EYS: variants seen among roughly 807,000 people sequenced by gnomAD.
EYS encodes EGF-like photoreceptor maintenance factor.
A neutral mutation model predicts 282.1 loss-of-function variants in EYS; 250 were observed. That is an observed-to-expected ratio of 0.89 (90% CI 0.80 to 0.98). The LOEUF (loss-of-function observed/expected upper bound fraction) is 0.98, where lower values mean the gene tolerates loss of function less well. Among genes scored for constraint, EYS ranks in the 50% least tolerant of loss-of-function variants. The pLI is 0.00. For synonymous variants in EYS, 1,355 were observed against 1,282.9 expected (o/e 1.06, Z -1.20); for missense variants, 4,016 against 3,709.0 (o/e 1.08, Z -2.15).
intron 35 of EYS, among the ~76,000 whole-genome samples, chr6:63,904,133 C>A (rs140433970): frequency 6.6e-6 from 1 of 152,078 alleles, no homozygotes; most frequent in African/African-American, 2.4e-5. Flanking sequence ...AGTGGGCCTG[C>A]GAGGCTCAGC....
chr6:65,327,262 C>T (rs1341812789), intron 11 of EYS, among the ~76,000 whole-genome samples: 2 of 151,552 alleles, frequency 1.3e-5, no homozygotes, highest in Admixed American at 1.3e-4. Flanking sequence ...TGTTTTTGAT[C>T]CTTCTAAGTC....
chr6:64,811,615 G>T lies in EYS; in HGVS notation c.3443+1763C>A, dbSNP rs143425375. 2.2e-3 allele frequency among the ~76,000 whole-genome samples: 341 copies of T among 152,172 alleles called. 6 individuals are homozygous for T. Among genetic ancestry groups the T allele is most frequent in the African/African-American group, 7.7e-3 (319 of 41,544 alleles). On this transcript the variant is annotated intron_variant, in intron 22 of 42. Coordinates refer to ENST00000503581, the MANE Select transcript of EYS (RefSeq NM_001142800.2). ...TAGATTAAAGTCTTTCTCATGAGAC[G>T]GGATTTGTTCTCTCGAGAAAAGATT...
chr6:64,649,587 C>T (rs1237988821), intron 22 of EYS, among the ~76,000 whole-genome samples: 2 of 152,144 alleles, frequency 1.3e-5, no homozygotes, highest in African/African-American at 4.8e-5. Context: ...TTCTGCCTGC[C>T]TCAGCCTCCC....
At chr6:65,442,062 C>T (rs552565947) in intron 5 of EYS, among the ~76,000 whole-genome samples, 3 of 152,016 alleles carry the variant, frequency 2.0e-5, no homozygotes, top group Non-Finnish European at 2.9e-5. Context: ...TCATACACCC[C>T]GTTAGAATTT....
intron 36 of EYS, among the ~76,000 whole-genome samples, chr6:63,809,106 A>G (rs953567052): frequency 3.3e-5 from 5 of 152,272 alleles, no homozygotes; most frequent in African/African-American, 7.2e-5. Context: ...TGAACCTATA[A>G]AAAGGTAGGG....
intron 24 of EYS, among the ~76,000 whole-genome samples, chr6:64,605,885 A>G (rs1766916279): frequency 6.6e-6 from 1 of 151,952 alleles, no homozygotes; most frequent in African/African-American, 2.4e-5. Flanking sequence ...TTACCACCAA[A>G]TATCTATAAC....
chr6:64,032,005 C>T (rs949001908), intron 33 of EYS, among the ~76,000 whole-genome samples: 1 of 152,084 alleles, frequency 6.6e-6, no homozygotes. Context: ...TCTTTGGGTC[C>T]ACACTGCCTT....
Position 64,593,132 on chromosome 6 carries a change from A to T in EYS, c.3862T>A (p.Tyr1288Asn), listed in dbSNP as rs1194312039. ...TTCTACTTACCTTGATCAACTGGGT[A>T]AGTGTCCATTATGGCTGGTATTCTA... ...ATRIPAIMDT[Y>N]PVDQGPKQTG... The change falls in exon 25 of 43, where the codon TAC becomes AAC. Residue 1288 changes from tyrosine (Y) to asparagine (N), a missense_variant. Physicochemically the swap from Tyr to Asn is moderately radical, Grantham distance 143 (BLOSUM62 -2). Transcript: ENST00000503581. 6 of 1,532,408 alleles carry T rather than the reference A, an allele frequency of 3.9e-6. No individual in the cohort carries two copies. The highest frequency in any genetic ancestry group is 5.3e-6 in the Non-Finnish European group (6 of 1,139,590). 94.9% of individuals were successfully genotyped at this position (1,532,408 alleles called of 1,614,324 possible).
At position 65,095,133 on chromosome 6, in the gene EYS, C is replaced by G. The variant is rs556109571; in HGVS notation, c.2024-37406G>C. Among the ~76,000 whole-genome samples the G allele has an allele frequency of 9.9e-5, 15 of 151,050 alleles. No homozygotes were observed. The East Asian group carries it at 2.9e-3, about 29-fold the overall frequency. ...AAACATACAACCTACTAAGACTTAT[C>G]GTGAAAAAAGAGATAGCCTGATTAG... is the stretch of plus-strand genomic sequence containing the variant. On this transcript the variant is annotated intron_variant, in intron 12 of 42. Coordinates refer to ENST00000503581, the MANE Select transcript of EYS (RefSeq NM_001142800.2).
intron 8 of EYS, among the ~76,000 whole-genome samples, chr6:65,361,746 G>T (rs1037673614): frequency 4.6e-5 from 7 of 152,208 alleles, no homozygotes; most frequent in Admixed American, 3.9e-4. Context: ...CTCCCAACAT[G>T]CTGGGATTAC....
chr6:63,776,884 A>G (rs1045570308), intron 40 of EYS, among the ~76,000 whole-genome samples: 1 of 152,224 alleles, frequency 6.6e-6, no homozygotes, highest in Admixed American at 6.5e-5. Context: ...CTGAAGAATG[A>G]CTACAACTCT....
At position 63,720,609 on chromosome 6, in the gene EYS, T is replaced by C. The variant is rs901774102; in HGVS notation, c.9422A>G (p.Asn3141Ser). The C allele has an allele frequency of 1.3e-6, 2 of 1,484,396 alleles. No individual in the cohort carries two copies. Among genetic ancestry groups the C allele is most frequent in the Non-Finnish European group, 1.8e-6 (2 of 1,114,630 alleles). 92.0% of individuals were successfully genotyped at this position (1,484,396 alleles called of 1,614,324 possible). A position where few individuals can be genotyped will look rare whatever the true frequency, so the allele number is the denominator to read the frequency against. Residue 3141 changes from asparagine to serine, a missense_variant, in exon 43 of 43, where the codon AAT (asparagine) becomes AGT (serine). Physicochemically the swap from Asn to Ser is conservative, Grantham distance 46. Coordinates refer to ENST00000503581, the MANE Select transcript of EYS (RefSeq NM_001142800.2). ...TCTAGTGTTAACTTATGTAACCTCA[T>C]TTTGTTCATCTCCATCATAAACATT... is the stretch of plus-strand genomic sequence containing the variant. ...GYNVYDGDEQ[N>S]EVT
At chr6:65,042,395 CT>C (rs1163795292) in intron 13 of EYS, among the ~76,000 whole-genome samples, 2 of 151,224 alleles carry the variant, frequency 1.3e-5, no homozygotes, top group African/African-American at 4.8e-5. Context: ...TTACCATTTG[CT>C]TTTTGTAATT....
chr6:65,173,988 A>C (rs1765170315), intron 12 of EYS, among the ~76,000 whole-genome samples: 1 of 151,264 alleles, frequency 6.6e-6, no homozygotes, highest in African/African-American at 2.4e-5. Context: ...CTTAAAGATA[A>C]CATAAGGACT....
intron 31 of EYS, among the ~76,000 whole-genome samples, chr6:64,094,129 T>C (rs1772487324): frequency 6.6e-6 from 1 of 152,150 alleles, no homozygotes; most frequent in Non-Finnish European, 1.5e-5. Flanking sequence ...TGGATAAGCT[T>C]TTTGATGTGC....
intron 13 of EYS, among the ~76,000 whole-genome samples, chr6:65,026,684 G>A (rs1324831829): frequency 6.6e-6 from 1 of 152,100 alleles, no homozygotes; most frequent in African/African-American, 2.4e-5. Flanking sequence ...TTGGGAGGCC[G>A]AGACAGGCAG....
rs560573574 is a variant in EYS, at chr6:65,514,707, T to G, written c.-332-18714A>C. ...GATGGGGAAAGGACTCCCTATTTAATAAATGGTGCTGGGAAAACTGGCTAG... is the reference window on the plus strand; with the variant it reads ...GATGGGGAAAGGACTCCCTATTTAAGAAATGGTGCTGGGAAAACTGGCTAG... On this transcript the variant is annotated intron_variant, in intron 2 of 42. Transcript: ENST00000503581. Among the ~76,000 whole-genome samples, 5 of 152,310 alleles carry G rather than the reference T, an allele frequency of 3.3e-5. No homozygotes were observed. The East Asian group carries it at 9.7e-4, about 29-fold the overall frequency.
At chr6:63,811,876 C>T (rs557483577) in intron 36 of EYS, among the ~76,000 whole-genome samples, 3 of 152,276 alleles carry the variant, frequency 2.0e-5, no homozygotes, top group South Asian at 2.1e-4. Context: ...GACAAACTGA[C>T]GAATATGTTA....
intron 26 of EYS, among the ~76,000 whole-genome samples, chr6:64,507,486 G>T (rs1197608337): frequency 6.6e-6 from 1 of 152,146 alleles, no homozygotes; most frequent in Non-Finnish European, 1.5e-5. Flanking sequence ...CATAGAAGGG[G>T]CTATTCATCA....
Sources: gnomAD v4.1 joint callset for allele counts (sites outside exome capture counted in the v4.1 genomes callset) on GRCh38, gnomAD v4.1.1 for gene constraint, MANE v1.5 for transcripts, NCBI Gene and HGNC (gene_info 2026-07-23, HGNC 2026-07-21) for gene names.